Variants in ZBTB20 observed in about 807,000 individuals in gnomAD.
ZBTB20 encodes zinc finger and BTB domain containing 20.
A neutral mutation model predicts 56.9 loss-of-function variants in ZBTB20; 9 were observed. The observed-to-expected ratio is 0.16, with a 90% confidence interval of 0.10 to 0.28. The LOEUF (loss-of-function observed/expected upper bound fraction) is 0.28. Ranked by LOEUF, ZBTB20 falls within the 10% of genes least tolerant of loss-of-function variation. The pLI, the probability that ZBTB20 is intolerant of heterozygous loss-of-function variation, is 1.00. For synonymous variants in ZBTB20, 417 were observed against 420.7 expected (o/e 0.99, Z 0.11); for missense variants, 655 against 1,003.0 (o/e 0.65, Z 4.69).
At chr3:114,590,259 A>G (rs939065547) in intron 6 of ZBTB20, among the ~76,000 whole-genome samples, 1 of 151,968 alleles carries the variant, frequency 6.6e-6, no homozygotes, top group Non-Finnish European at 1.5e-5. Flanking sequence ...GTTTGAGACC[A>G]AGAACGGCCA....
At chr3:114,817,009 G>C (rs1306783512) in intron 4 of ZBTB20, among the ~76,000 whole-genome samples, 1 of 151,968 alleles carries the variant, frequency 6.6e-6, no homozygotes, top group East Asian at 1.9e-4. Flanking sequence ...TGCAAGTGAA[G>C]AAACAATTAT....
chr3:114,338,892 G>T lies in ZBTB20; in HGVS notation c.*113C>A. 1 of 1,293,524 alleles carries T rather than the reference G, an allele frequency of 7.7e-7. No individual in the cohort carries two copies. The highest frequency in any genetic ancestry group is 1.0e-6 in the Non-Finnish European group (1 of 963,706). 80.1% of individuals were successfully genotyped at this position (1,293,524 alleles called of 1,614,324 possible). A position where few individuals can be genotyped will look rare whatever the true frequency, so the allele number is the denominator to read the frequency against. On this transcript the variant is annotated 3_prime_UTR_variant, in exon 12 of 12. Transcript: ENST00000675478. ...ATGAAACGAAACAAAAACAAAAACA[G>T]AAAGTAAAAATGAAACCAAAACATT... is the stretch of plus-strand genomic sequence containing the variant.
chr3:114,851,454 C>T (rs189808414), intron 4 of ZBTB20, among the ~76,000 whole-genome samples: 3,631 of 152,004 alleles, frequency 0.024, 52 homozygotes, highest in South Asian at 0.051. Context: ...AAATTTTTCA[C>T]ATATATATAT....
At chr3:114,425,305 A>G (rs950412654) in intron 7 of ZBTB20, among the ~76,000 whole-genome samples, 1 of 152,168 alleles carries the variant, frequency 6.6e-6, no homozygotes, top group Non-Finnish European at 1.5e-5. Flanking sequence ...TGACTGGACA[A>G]GTCCCCCACT....
At chr3:114,577,374 A>C (rs977907606) in intron 6 of ZBTB20, among the ~76,000 whole-genome samples, 1 of 152,210 alleles carries the variant, frequency 6.6e-6, no homozygotes, top group Non-Finnish European at 1.5e-5. Flanking sequence ...CAATAAAGCA[A>C]AGCACAATAA....
At chr3:114,770,207 C>T (rs1391611053) in intron 5 of ZBTB20, among the ~76,000 whole-genome samples, 1 of 150,760 alleles carries the variant, frequency 6.6e-6, no homozygotes, top group Non-Finnish European at 1.5e-5. Flanking sequence ...AAAGAACTTA[C>T]TCGTATAGAT....
At position 115,083,494 on chromosome 3, in the gene ZBTB20, C is replaced by T. The variant is rs535582386; in HGVS notation, c.-702-12080G>A. Among the ~76,000 whole-genome samples the T allele has an allele frequency of 2.6e-5, 4 of 151,990 alleles. No individual in the cohort carries two copies. The East Asian group carries it at 7.7e-4, about 29-fold the overall frequency. On this transcript the variant is annotated intron_variant, in intron 1 of 11. Transcript: ENST00000675478. ...ACTTACCCTCATTGGATTACAATACCTATGTTTGTAAACAAAGGTGAATAA... is the reference window on the plus strand; with the variant it reads ...ACTTACCCTCATTGGATTACAATACTTATGTTTGTAAACAAAGGTGAATAA...
At chr3:115,130,730 T>C (rs1316931937) in intron 1 of ZBTB20, among the ~76,000 whole-genome samples, 1 of 152,160 alleles carries the variant, frequency 6.6e-6, no homozygotes, top group African/African-American at 2.4e-5. Flanking sequence ...CTACCAAAAC[T>C]AGCCATAATA....
intron 3 of ZBTB20, among the ~76,000 whole-genome samples, chr3:114,942,799 G>C (rs1170177342): frequency 6.9e-6 from 1 of 145,546 alleles, no homozygotes; most frequent in Non-Finnish European, 1.5e-5. Context: ...AAGTAGAACA[G>C]AATGCGAGAC....
intron 6 of ZBTB20, among the ~76,000 whole-genome samples, chr3:114,662,756 G>GT (rs1361319301): frequency 1.3e-5 from 2 of 151,058 alleles, no homozygotes; most frequent in African/African-American, 4.9e-5. Context: ...GGGGTTGTTT[G>GT]TTTTTTTCTT....
At chr3:115,043,887 G>C (rs2081243671) in intron 2 of ZBTB20, among the ~76,000 whole-genome samples, 1 of 152,050 alleles carries the variant, frequency 6.6e-6, no homozygotes, top group Non-Finnish European at 1.5e-5. Flanking sequence ...TTGGATCATG[G>C]GGGTTGATAC....
At chr3:114,507,713 T>C (rs1333762354) in intron 6 of ZBTB20, among the ~76,000 whole-genome samples, 3 of 152,134 alleles carry the variant, frequency 2.0e-5, no homozygotes, top group Non-Finnish European at 2.9e-5. Flanking sequence ...GGAGAATGAA[T>C]TCAATAACTT....
chr3:114,905,063 T>C (rs1307578546), intron 3 of ZBTB20, among the ~76,000 whole-genome samples: 1 of 151,954 alleles, frequency 6.6e-6, no homozygotes, highest in Non-Finnish European at 1.5e-5. Context: ...AACTCTCAAG[T>C]AGAAACCTCA....
At chr3:114,618,238 C>CTT (rs111549198) in intron 6 of ZBTB20, among the ~76,000 whole-genome samples, 12,888 of 118,894 alleles carry the variant, frequency 0.11, 740 homozygotes, top group African/African-American at 0.17. Context: ...TGTTTCTTTC[C>CTT]TTTTTTTTTT....
At chr3:115,124,906 ATT>A (rs149290415) in intron 1 of ZBTB20, among the ~76,000 whole-genome samples, 3 of 152,098 alleles carry the variant, frequency 2.0e-5, no homozygotes, top group African/African-American at 7.2e-5. Flanking sequence ...AAAAATTAAG[ATT>A]TTTATGTTTA....
chr3:114,626,446 T>G (rs1243638072), intron 6 of ZBTB20, among the ~76,000 whole-genome samples: 2 of 152,182 alleles, frequency 1.3e-5, no homozygotes, highest in Non-Finnish European at 2.9e-5. Context: ...ATTCATATTA[T>G]TTGATTATCA....
At chr3:114,935,675 C>G (rs182644824) in intron 3 of ZBTB20, among the ~76,000 whole-genome samples, 754 of 152,266 alleles carry the variant, frequency 5.0e-3, no homozygotes, top group Non-Finnish European at 8.6e-3. Flanking sequence ...TTTGCCATCC[C>G]CTGTTCCCAG....
intron 5 of ZBTB20, among the ~76,000 whole-genome samples, chr3:114,725,736 G>A (rs1269324303): frequency 1.3e-5 from 2 of 152,144 alleles, no homozygotes; most frequent in Non-Finnish European, 2.9e-5. Context: ...AAGTTATTGT[G>A]TAACAAATAA....
chr3:114,550,750 T>C (rs554709821), intron 6 of ZBTB20, among the ~76,000 whole-genome samples: 1 of 152,208 alleles, frequency 6.6e-6, no homozygotes, highest in East Asian at 1.9e-4. Context: ...GATCCCAAGA[T>C]ATAGTTTGTT....
Sources: allele counts gnomAD v4.1 joint callset (sites outside exome capture counted in the v4.1 genomes callset), GRCh38; gene constraint gnomAD v4.1.1; transcripts MANE v1.5; gene names NCBI Gene and HGNC (gene_info 2026-07-23, HGNC 2026-07-21).